Variants in FANCL observed in about 807,000 individuals in gnomAD.
FANCL encodes FA complementation group L, also known as E3 ubiquitin-protein ligase FANCL.
In FANCL, 69 loss-of-function variants were observed where a neutral mutation model predicts 59.4. The ratio of observed to expected loss-of-function variants is 1.16; its 90% confidence interval spans 0.96 to 1.42. FANCL has a LOEUF of 1.42. FANCL is among the 40% of genes most tolerant of loss of function. FANCL has a pLI of 0.00. For synonymous variants in FANCL, 180 were observed against 147.1 expected (o/e 1.22, Z -1.62); for missense variants, 519 against 447.2 (o/e 1.16, Z -1.45).
rs1690333996 is a variant in FANCL at position 58,204,146 on chromosome 2, A to G, written c.455T>C (p.Leu152Pro). Reference protein sequence around the residue: ...DASGREHLITLKLKAKYPAES... With the variant: ...DASGREHLITPKLKAKYPAES... ...GGCACATACCTTTGCCTTCAACTTG[A>G]GAGTGATTAAATGCTCTCTACCAGA... Residue 152 changes from leucine (L) to proline (P), a missense_variant, in exon 6 of 14, where the codon CTC (leucine) becomes CCC (proline). Coordinates refer to ENST00000233741, the MANE Select transcript of FANCL (RefSeq NM_018062.4). 6.2e-7 allele frequency: 1 copy of G among 1,612,874 alleles called. No individual in the cohort carries two copies. The highest frequency in any genetic ancestry group is 8.5e-7 in the Non-Finnish European group (1 of 1,179,020).
At chr2:58,240,158 T>C (rs1694384996) in intron 1 of FANCL, among the ~76,000 whole-genome samples, 1 of 151,244 alleles carries the variant, frequency 6.6e-6, no homozygotes, top group Non-Finnish European at 1.5e-5. Context: ...CTTTTCTAAA[T>C]GTTGTCTACA....
At chr2:58,166,001 T>A in intron 7 of FANCL, 127 bp from the exon 8 acceptor site, 1 of 858,702 alleles carries the variant, frequency 1.2e-6, no homozygotes, top group Non-Finnish European at 1.9e-6. Flanking sequence ...TAGACTCCAG[T>A]AAACAGTAGT....
intron 7 of FANCL, among the ~76,000 whole-genome samples, chr2:58,173,584 G>A (rs1371302197): frequency 2.6e-5 from 4 of 152,162 alleles, no homozygotes; most frequent in Middle Eastern, 3.4e-3. Flanking sequence ...ACAAGCAAAC[G>A]CTGAGAGATT....
chr2:58,212,593 G>C (rs921190188), intron 5 of FANCL, among the ~76,000 whole-genome samples: 1 of 152,078 alleles, frequency 6.6e-6, no homozygotes, highest in African/African-American at 2.4e-5. Flanking sequence ...TTCAACTCTA[G>C]GATACTCTTA....
chr2:58,163,540 C>G (rs755464452), intron 8 of FANCL, 23 bp from the exon 9 acceptor site: 2 of 1,454,852 alleles, frequency 1.4e-6, no homozygotes, highest in African/African-American at 1.4e-5. Flanking sequence ...AAGATTAAAT[C>G]TTTTAGAAGT....
intron 3 of FANCL, 30 bp from the exon 4 acceptor site, chr2:58,226,814 T>G: frequency 1.3e-6 from 2 of 1,577,886 alleles, no homozygotes; most frequent in Non-Finnish European, 8.7e-7. Flanking sequence ...ATTAATTTCA[T>G]TTGCACAATA....
intron 4 of FANCL, among the ~76,000 whole-genome samples, chr2:58,222,482 T>G (rs1692583261): frequency 6.6e-6 from 1 of 152,042 alleles, no homozygotes; most frequent in South Asian, 2.1e-4. Context: ...ATGAACCACA[T>G]CCTAACAAAC....
chr2:58,162,340 A>T (rs1264983080), intron 11 of FANCL, among the ~76,000 whole-genome samples: 1 of 151,986 alleles, frequency 6.6e-6, no homozygotes, highest in Admixed American at 6.6e-5. Flanking sequence ...CAGACTATGT[A>T]GAAAAGCCAA....
chr2:58,211,712 C>T (rs1558799387), intron 5 of FANCL, among the ~76,000 whole-genome samples: 1 of 152,206 alleles, frequency 6.6e-6, no homozygotes, highest in East Asian at 1.9e-4. Flanking sequence ...CCACCAGATA[C>T]CCTAAATCAT....
intron 8 of FANCL, among the ~76,000 whole-genome samples, chr2:58,164,710 A>G (rs1000379172): frequency 2.6e-5 from 4 of 152,034 alleles, no homozygotes; most frequent in African/African-American, 9.7e-5. Flanking sequence ...GGGGCCACGA[A>G]AATAATGATT....
At chr2:58,161,139 T>C (rs1015366001) in intron 12 of FANCL, among the ~76,000 whole-genome samples, 6 of 152,012 alleles carry the variant, frequency 3.9e-5, no homozygotes, top group African/African-American at 1.4e-4. Flanking sequence ...ATAGTACTAA[T>C]TTCATTTTCA....
At chr2:58,225,672 C>T (rs1692928052) in intron 4 of FANCL, among the ~76,000 whole-genome samples, 1 of 152,002 alleles carries the variant, frequency 6.6e-6, no homozygotes. Flanking sequence ...GAATCCAAAT[C>T]TGCTGAAGCC....
intron 5 of FANCL, among the ~76,000 whole-genome samples, chr2:58,217,927 C>A (rs76540117): frequency 0.054 from 8,152 of 152,036 alleles, 321 homozygotes; most frequent in Non-Finnish European, 0.079. Context: ...AGAACACATA[C>A]CAAAATTGAC....
intron 7 of FANCL, among the ~76,000 whole-genome samples, chr2:58,185,137 T>A (rs2104992147): frequency 6.6e-6 from 1 of 152,106 alleles, no homozygotes; most frequent in African/African-American, 2.4e-5. Flanking sequence ...GAATCTAATC[T>A]TCCTATGGTG....
At chr2:58,220,245 G>A (rs540942227) in intron 5 of FANCL, among the ~76,000 whole-genome samples, 32 of 152,172 alleles carry the variant, frequency 2.1e-4, no homozygotes, top group African/African-American at 6.7e-4. Flanking sequence ...TCAGGGAGGC[G>A]GTAAGGAAAA....
chr2:58,182,412 C>G (rs557183970), intron 7 of FANCL, among the ~76,000 whole-genome samples: 219 of 151,886 alleles, frequency 1.4e-3, no homozygotes, highest in African/African-American at 5.1e-3. Flanking sequence ...ACCAGAGTCA[C>G]ACTTCCATAC....
intron 7 of FANCL, among the ~76,000 whole-genome samples, chr2:58,166,986 C>T (rs57334221): frequency 0.02 from 3,002 of 152,156 alleles, 114 homozygotes; most frequent in African/African-American, 0.069. Flanking sequence ...GGCTGAGGTG[C>T]GCAGATCACG....
intron 5 of FANCL, among the ~76,000 whole-genome samples, chr2:58,216,420 G>C (rs187731671): frequency 6.6e-6 from 1 of 152,130 alleles, no homozygotes; most frequent in Non-Finnish European, 1.5e-5. Flanking sequence ...GAATAGCCAA[G>C]GGCAAATGCA....
chr2:58,182,127 T>C (rs1687994487), intron 7 of FANCL, among the ~76,000 whole-genome samples: 1 of 151,886 alleles, frequency 6.6e-6, no homozygotes, highest in African/African-American at 2.4e-5. Context: ...AAATGTAGCA[T>C]TTCCTTCAAC....
Sources: allele counts gnomAD v4.1 joint callset (sites outside exome capture counted in the v4.1 genomes callset), GRCh38; gene constraint gnomAD v4.1.1; transcripts MANE v1.5; gene names NCBI Gene and HGNC (gene_info 2026-07-23, HGNC 2026-07-21).